Variants in KCND2 observed in about 807,000 individuals in gnomAD.
KCND2 encodes potassium voltage-gated channel subfamily D member 2.
In KCND2, 16 loss-of-function variants were observed where a neutral mutation model predicts 54.4. That is an observed-to-expected ratio of 0.29 (90% confidence interval 0.20 to 0.45). The LOEUF is 0.45. Ranked by LOEUF, KCND2 falls within the 20% of genes least tolerant of loss-of-function variation. The pLI is 1.00. For missense variants in KCND2, 486 were observed against 824.2 expected (o/e 0.59, Z 5.02); for synonymous variants, 317 against 310.7 (o/e 1.02, Z -0.21).
chr7:120,400,087 A>G (rs1311867041), intron 1 of KCND2, among the ~76,000 whole-genome samples: 1 of 152,122 alleles, frequency 6.6e-6, no homozygotes, highest in East Asian at 1.9e-4. Flanking sequence ...CCAAAACTCA[A>G]TTATATTATT....
At chr7:120,537,257 A>AT (rs1208412346) in intron 1 of KCND2, among the ~76,000 whole-genome samples, 16 of 152,196 alleles carry the variant, frequency 1.1e-4, no homozygotes, top group Non-Finnish European at 1.8e-4. Context: ...AATACTTAGA[A>AT]AAGAAACTTT....
intron 2 of KCND2, among the ~76,000 whole-genome samples, chr7:120,739,472 T>C (rs369253779): frequency 7.9e-5 from 12 of 152,042 alleles, no homozygotes; most frequent in African/African-American, 2.4e-4. Context: ...AGTTAAAATT[T>C]TTCTACCTTC....
intron 1 of KCND2, among the ~76,000 whole-genome samples, chr7:120,526,669 G>A (rs759960866): frequency 1.3e-5 from 2 of 152,100 alleles, no homozygotes; most frequent in Non-Finnish European, 2.9e-5. Context: ...AGGGAGGAAT[G>A]ATTTAATTTC....
At chr7:120,544,203 G>T (rs982335584) in intron 1 of KCND2, among the ~76,000 whole-genome samples, 2 of 152,014 alleles carry the variant, frequency 1.3e-5, no homozygotes, top group East Asian at 1.9e-4. Flanking sequence ...AAGAGTTGAG[G>T]TTATATGTTA....
At chr7:120,500,011 A>G (rs931728792) in intron 1 of KCND2, among the ~76,000 whole-genome samples, 3 of 152,210 alleles carry the variant, frequency 2.0e-5, no homozygotes, top group Non-Finnish European at 4.4e-5. Context: ...CAAAAGAGAA[A>G]AAAAAGAACT....
At chr7:120,309,690 C>T (rs1248564971) in intron 1 of KCND2, among the ~76,000 whole-genome samples, 1 of 151,724 alleles carries the variant, frequency 6.6e-6, no homozygotes, top group Non-Finnish European at 1.5e-5. Context: ...ATCTTATGGA[C>T]TTCTATCTTC....
At chr7:120,550,098 G>C (rs909331651) in intron 1 of KCND2, among the ~76,000 whole-genome samples, 1 of 151,878 alleles carries the variant, frequency 6.6e-6, no homozygotes, top group Non-Finnish European at 1.5e-5. Context: ...GGTTCGTTCA[G>C]CACTCATCAT....
intron 1 of KCND2, among the ~76,000 whole-genome samples, chr7:120,401,978 A>G (rs535701314): frequency 6.6e-6 from 1 of 152,302 alleles, no homozygotes; most frequent in South Asian, 2.1e-4. Flanking sequence ...AAACAAAATT[A>G]GGGCCCGATG....
At chr7:120,391,738 C>T (rs942252416) in intron 1 of KCND2, among the ~76,000 whole-genome samples, 11 of 151,948 alleles carry the variant, frequency 7.2e-5, no homozygotes, top group Non-Finnish European at 5.9e-5. Context: ...CTGTTCATAT[C>T]GTTTGCCCAC....
intron 1 of KCND2, among the ~76,000 whole-genome samples, chr7:120,378,516 C>G (rs1158116151): frequency 6.6e-6 from 1 of 151,862 alleles, no homozygotes; most frequent in African/African-American, 2.4e-5. Context: ...CCCAGTGACA[C>G]CTACTGTATC....
rs958810890 is a variant in KCND2 at position 120,646,518 on chromosome 7, A to T, written c.1116-86385A>T. On this transcript the variant is annotated intron_variant, in intron 1 of 5. Coordinates refer to ENST00000331113, the MANE Select transcript of KCND2 (RefSeq NM_012281.3). ...CTGTCAACTCTTATATTTGCTTTGT[A>T]TGCTTTCAAATCTGTCATCACCCTT... 7.1e-4 allele frequency among the ~76,000 whole-genome samples: 108 copies of T among 152,218 alleles called. 2 individuals carry two copies. The highest frequency in any genetic ancestry group is 2.4e-3 in the African/African-American group (101 of 41,530).
chr7:120,341,283 T>C (rs192328101), intron 1 of KCND2, among the ~76,000 whole-genome samples: 4 of 152,182 alleles, frequency 2.6e-5, no homozygotes, highest in South Asian at 4.1e-4. Flanking sequence ...GTTAAATATA[T>C]TATATTGTGG....
intron 1 of KCND2, among the ~76,000 whole-genome samples, chr7:120,352,072 G>C (rs1226484440): frequency 6.6e-6 from 1 of 151,780 alleles, no homozygotes; most frequent in African/African-American, 2.4e-5. Flanking sequence ...CAAGTAGCTG[G>C]GACTATAGGC....
At chr7:120,642,060 T>G (rs578082748) in intron 1 of KCND2, among the ~76,000 whole-genome samples, 1 of 152,068 alleles carries the variant, frequency 6.6e-6, no homozygotes, top group East Asian at 1.9e-4. Context: ...TTTCTGGATG[T>G]TTGTTGTTGA....
chr7:120,348,945 C>G (rs1428111434), intron 1 of KCND2, among the ~76,000 whole-genome samples: 1 of 151,952 alleles, frequency 6.6e-6, no homozygotes, highest in Non-Finnish European at 1.5e-5. Flanking sequence ...AGTAGCTTAC[C>G]TAGGGGGCTC....
chr7:120,660,743 T>C (rs1366291588), intron 1 of KCND2, among the ~76,000 whole-genome samples: 1 of 152,196 alleles, frequency 6.6e-6, no homozygotes, highest in Admixed American at 6.5e-5. Flanking sequence ...AATCAAGGAA[T>C]ACAGTGCTCT....
At chr7:120,669,838 C>T (rs1442374421) in intron 1 of KCND2, among the ~76,000 whole-genome samples, 1 of 152,084 alleles carries the variant, frequency 6.6e-6, no homozygotes, top group African/African-American at 2.4e-5. Context: ...ATTAAATTCA[C>T]ATACACTAAC....
chr7:120,520,125 A>C (rs1791669279), intron 1 of KCND2, among the ~76,000 whole-genome samples: 1 of 152,120 alleles, frequency 6.6e-6, no homozygotes, highest in African/African-American at 2.4e-5. Context: ...TATAACACTG[A>C]GATAAAAATA....
chr7:120,359,775 A>T (rs879709921), intron 1 of KCND2, among the ~76,000 whole-genome samples: 3 of 152,046 alleles, frequency 2.0e-5, no homozygotes, highest in Non-Finnish European at 2.9e-5. Context: ...AGGAGGGACC[A>T]GAAGGGAGGT....
Sources: allele counts gnomAD v4.1 joint callset (sites outside exome capture counted in the v4.1 genomes callset), GRCh38; gene constraint gnomAD v4.1.1; transcripts MANE v1.5; gene names NCBI Gene and HGNC (gene_info 2026-07-23, HGNC 2026-07-21).